Variants in ZBTB38 observed in about 807,000 individuals in gnomAD.
ZBTB38 encodes the protein zinc finger and BTB domain-containing protein 38.
ZBTB38 carries 20 observed loss-of-function variants against 76.8 expected under a neutral mutation model. The ratio of observed to expected loss-of-function variants is 0.26; its 90% CI spans 0.18 to 0.38. ZBTB38 has a LOEUF of 0.38. ZBTB38 is among the 10% of genes least tolerant of loss of function. The pLI is 1.00. For missense variants in ZBTB38, 1,082 were observed against 1,482.3 expected, an observed-to-expected ratio of 0.73 and a Z score of 4.43; for synonymous variants, 504 against 544.2, an observed-to-expected ratio of 0.93 and a Z score of 1.03.
intron 5 of ZBTB38, among the ~76,000 whole-genome samples, chr3:141,421,767 TCCA>T (rs1217300756): frequency 6.6e-6 from 1 of 152,216 alleles, no homozygotes; most frequent in Non-Finnish European, 1.5e-5. Context: ...GAGTGCGTGT[TCCA>T]CTAAGCATCA....
chr3:141,352,505 G>A (rs1287097344), intron 1 of ZBTB38, among the ~76,000 whole-genome samples: 1 of 152,058 alleles, frequency 6.6e-6, no homozygotes, highest in African/African-American at 2.4e-5. Flanking sequence ...AGATGAGTAA[G>A]CAGGCAAGAA....
chr3:141,393,810 C>T (rs372425787), intron 4 of ZBTB38, among the ~76,000 whole-genome samples: 37 of 152,186 alleles, frequency 2.4e-4, no homozygotes, highest in African/African-American at 8.7e-4. Context: ...CAGGAGAGAC[C>T]TTAAATGCAG....
chr3:141,442,848 G>A lies in ZBTB38; in HGVS notation c.460G>A (p.Glu154Lys). 6.2e-7 allele frequency: 1 copy of A among 1,614,222 alleles called. No homozygotes were observed. Among genetic ancestry groups the A allele is most frequent in the Non-Finnish European group, 8.5e-7 (1 of 1,180,042 alleles). ...VKEEKNEKRH[E>K]EPAITNGPRI... The stretch of plus-strand genomic sequence containing the variant: ...AGAAGAAAAAAATGAAAAAAGGCAT[G>A]AAGAACCAGCCATCACTAATGGGCC... The change falls in exon 6 of 6, where the codon GAA (glutamate) becomes AAA (lysine). Residue 154 changes from glutamate to lysine, a missense_variant. Glu to Lys is a moderately conservative substitution (Grantham distance 56). This residue lies in a region of ZBTB38 where 34 missense variants were observed against 40.4 expected (regional missense o/e 0.84). Transcript: ENST00000321464. The surrounding 1 kb of genome is among the most constrained non-coding windows in gnomAD (Gnocchi z 6.4).
intron 1 of ZBTB38, among the ~76,000 whole-genome samples, chr3:141,347,497 ACAT>A: frequency 6.6e-6 from 1 of 152,214 alleles, no homozygotes; most frequent in Non-Finnish European, 1.5e-5. Flanking sequence ...TGTGTAAAAT[ACAT>A]TATACACGGG....
chr3:141,424,766 C>T (rs186222399), intron 5 of ZBTB38, among the ~76,000 whole-genome samples: 1 of 152,256 alleles, frequency 6.6e-6, no homozygotes, highest in Admixed American at 6.5e-5. Context: ...GTCTGGGGAA[C>T]TCTGGACACA....
At chr3:141,361,541 C>T (rs1943826772) in intron 1 of ZBTB38, among the ~76,000 whole-genome samples, 1 of 152,198 alleles carries the variant, frequency 6.6e-6, no homozygotes, top group South Asian at 2.1e-4. Flanking sequence ...GACCCATCAA[C>T]TTCATAGAAT....
chr3:141,339,090 G>A (rs555044672), intron 1 of ZBTB38, among the ~76,000 whole-genome samples: 1 of 152,162 alleles, frequency 6.6e-6, no homozygotes, highest in African/African-American at 2.4e-5. Context: ...GCAAGAGAGT[G>A]GGCCATGCCA....
chr3:141,337,757 C>T lies in ZBTB38; in HGVS notation c.-739+13301C>T, dbSNP rs538750152. ...TTGAGCACTTAATATGAGGCACCTT[C>T]ATCCCTTATCTCAAGTCCTCACAAC... is the stretch of plus-strand genomic sequence containing the variant. On this transcript the variant is annotated intron_variant, in intron 1 of 7. Coordinates refer to the ZBTB38 transcript ENST00000509842. 3.3e-5 allele frequency among the ~76,000 whole-genome samples: 5 copies of T among 152,322 alleles called. No individual in the cohort carries two copies. In the South Asian group the frequency reaches 1.0e-3, roughly 32 times the overall value.
intron 5 of ZBTB38, among the ~76,000 whole-genome samples, chr3:141,408,867 T>C (rs1577148459): frequency 6.6e-6 from 1 of 152,268 alleles, no homozygotes; most frequent in South Asian, 2.1e-4. Flanking sequence ...ACAGAGTTTC[T>C]CTCTCTATAC....
At chr3:141,374,334 G>A (rs1016765390) in intron 2 of ZBTB38, among the ~76,000 whole-genome samples, 1 of 152,156 alleles carries the variant, frequency 6.6e-6, no homozygotes. Context: ...TATTCACAGG[G>A]ACATTTAACC....
rs182880896 is a variant in ZBTB38 at position 141,327,639 on chromosome 3, C to T, written c.-739+3183C>T. 2.6e-5 allele frequency among the ~76,000 whole-genome samples: 4 copies of T among 152,238 alleles called. No homozygotes were observed. In the East Asian group the frequency reaches 7.7e-4, roughly 29 times the overall value. On this transcript the variant is annotated intron_variant, in intron 1 of 7. Coordinates refer to the ZBTB38 transcript ENST00000509842. ...ATGCTTCCTTAGAACAGAAAAAGGACACTAGTTAAAAACTAAGGAAACTGA... is the reference window on the plus strand; with the variant it reads ...ATGCTTCCTTAGAACAGAAAAAGGATACTAGTTAAAAACTAAGGAAACTGA...
At chr3:141,409,192 A>C (rs2149785672) in intron 5 of ZBTB38, among the ~76,000 whole-genome samples, 1 of 152,176 alleles carries the variant, frequency 6.6e-6, no homozygotes, top group East Asian at 1.9e-4. Flanking sequence ...ATTACAGGCA[A>C]CTGCCACCAC....
At position 141,448,563 on chromosome 3, in the gene ZBTB38, A is replaced by T. The variant is rs2081270327; in HGVS notation, c.*2587A>T. 1 of 152,466 alleles carries T rather than the reference A, an allele frequency of 6.6e-6. No individual in the cohort carries two copies. Among genetic ancestry groups the T allele is most frequent in the Non-Finnish European group, 1.5e-5 (1 of 68,032 alleles). The allele number at this position is 152,466 out of a possible 1,614,324, so 9.4% of individuals were successfully genotyped here. ...CTGTATGCTGTACAAGATATAATGT[A>T]ACTTGCTGTTTTAGCATCTGTATTT... On this transcript the variant is annotated 3_prime_UTR_variant, in exon 6 of 6. Transcript: ENST00000321464.
intron 1 of ZBTB38, among the ~76,000 whole-genome samples, chr3:141,353,802 G>C (rs1347971023): frequency 6.6e-6 from 1 of 152,122 alleles, no homozygotes; most frequent in Non-Finnish European, 1.5e-5. Flanking sequence ...TGACAGTCCT[G>C]GTTCACTGTT....
At position 141,447,673 on chromosome 3, in the gene ZBTB38, A is replaced by G. The variant is rs1013980293; in HGVS notation, c.*1697A>G. ...GGTTATCGAAGATTGGAAGGTTATC[A>G]TTGTGAAGAAGTAGCTCAAAGGACT... On this transcript the variant is annotated 3_prime_UTR_variant, in exon 6 of 6. Coordinates refer to ENST00000321464, the MANE Select transcript of ZBTB38 (RefSeq NM_001376113.1). The G allele has an allele frequency of 1.1e-4, 17 of 152,268 alleles. No homozygotes were observed. The highest frequency in any genetic ancestry group is 3.9e-4 in the African/African-American group (16 of 41,472). The allele number at this position is 152,268 out of a possible 1,614,324, so 9.4% of individuals were successfully genotyped here.
At chr3:141,348,335 A>G (rs1943424192) in intron 1 of ZBTB38, among the ~76,000 whole-genome samples, 1 of 152,234 alleles carries the variant, frequency 6.6e-6, no homozygotes, top group Non-Finnish European at 1.5e-5. Flanking sequence ...GAGCTAATAT[A>G]CATGCTGATT....
At chr3:141,342,209 C>T (rs544575605) in intron 1 of ZBTB38, among the ~76,000 whole-genome samples, 6 of 151,990 alleles carry the variant, frequency 3.9e-5, no homozygotes, top group South Asian at 2.1e-4. Context: ...CCTATAGTCC[C>T]GGCTACTCAG....
chr3:141,357,872 C>T (rs1441570814), intron 1 of ZBTB38, among the ~76,000 whole-genome samples: 4 of 152,194 alleles, frequency 2.6e-5, no homozygotes, highest in African/African-American at 7.2e-5. Context: ...CCTTAATTAA[C>T]ACCACCTAAC....
rs531042084 is a variant in ZBTB38 at position 141,421,425 on chromosome 3, C to T, written c.-1+17394C>T. Among the ~76,000 whole-genome samples the T allele has an allele frequency of 6.6e-5, 10 of 152,150 alleles. 1 individual carries two copies. Among genetic ancestry groups the T allele is most frequent in the East Asian group, 3.9e-4 (2 of 5,184 alleles). ...TACAGGTGTGAGCTACCACACCCAC[C>T]GGGGAGTCTAGAAACTTCTTTTGGT... On this transcript the variant is annotated intron_variant, in intron 5 of 5. Transcript: ENST00000321464.
Sources: allele counts gnomAD v4.1 joint callset (sites outside exome capture counted in the v4.1 genomes callset), GRCh38; gene constraint gnomAD v4.1.1; regional missense constraint gnomAD v4.1.1; non-coding constraint Gnocchi (gnomAD v3.1); transcripts MANE v1.5; gene names NCBI Gene and HGNC (gene_info 2026-07-23, HGNC 2026-07-21).